CORIN: variants seen among roughly 807,000 people sequenced by gnomAD.
CORIN encodes corin, serine peptidase.
Under a neutral mutation model 125.3 loss-of-function variants are expected in CORIN, and 117 were observed. The observed-to-expected ratio is 0.93, with a 90% CI of 0.80 to 1.09. The LOEUF (loss-of-function observed/expected upper bound fraction) is 1.09. Among genes scored for constraint, CORIN ranks in the 50% least tolerant of loss-of-function variants. The pLI, the probability that CORIN is intolerant of heterozygous loss-of-function variation, is 0.00. For missense variants in CORIN, 1,253 were observed against 1,306.7 expected, an observed-to-expected ratio of 0.96 and a Z score of 0.63; for synonymous variants, 450 against 466.4, an observed-to-expected ratio of 0.96 and a Z score of 0.45.
chr4:47,790,587 T>C (rs1015231259), intron 2 of CORIN, among the ~76,000 whole-genome samples: 5 of 152,152 alleles, frequency 3.3e-5, no homozygotes, highest in Admixed American at 1.3e-4. Context: ...TCCTACAACA[T>C]TGGGATCAAA....
chr4:47,634,763 A>G (rs1238601532), intron 16 of CORIN, among the ~76,000 whole-genome samples: 1 of 152,242 alleles, frequency 6.6e-6, no homozygotes, highest in Non-Finnish European at 1.5e-5. Context: ...TGGGATAGGT[A>G]CCTACCCCTC....
intron 15 of CORIN, chr4:47,642,836 T>C (rs1355308948): frequency 6.9e-7 from 1 of 1,450,218 alleles, no homozygotes; most frequent in Non-Finnish European, 9.0e-7. Context: ...AGACTATCAT[T>C]AAATTTATTG....
chr4:47,795,708 CAA>C lies in CORIN; in HGVS notation c.209-8785_209-8784del, dbSNP rs34203365. Among the ~76,000 whole-genome samples the C allele has an allele frequency of 9.7e-3, 1,464 of 151,622 alleles. 24 individuals carry two copies. The highest frequency in any genetic ancestry group is 0.034 in the African/African-American group (1,394 of 41,342). On this transcript the variant is annotated intron_variant, in intron 2 of 21. Coordinates refer to ENST00000273857, the MANE Select transcript of CORIN (RefSeq NM_006587.4). Reference sequence around the variant, plus strand: ...ATTATTTGTAAACCACATATTTGATCAAGAGTTAATATTCAAAATATGTAAAA... The same window carrying C: ...ATTATTTGTAAACCACATATTTGATCGAGTTAATATTCAAAATATGTAAAA...
intron 1 of CORIN, among the ~76,000 whole-genome samples, chr4:47,818,823 T>C (rs982632527): frequency 6.8e-6 from 1 of 146,306 alleles, no homozygotes; most frequent in African/African-American, 2.6e-5. Context: ...CAGTGAAATG[T>C]AATCATACCA....
chr4:47,652,796 T>C (rs2109641619), intron 13 of CORIN: 1 of 152,346 alleles, frequency 6.6e-6, no homozygotes, highest in Non-Finnish European at 1.5e-5. Flanking sequence ...TGATGGAGTC[T>C]GAACTCTGAA....
intron 13 of CORIN, among the ~76,000 whole-genome samples, chr4:47,651,662 T>C (rs1043104098): frequency 1.3e-5 from 2 of 152,232 alleles, no homozygotes; most frequent in Non-Finnish European, 2.9e-5. Context: ...TAACTTTCCT[T>C]AACTAGAGCT....
chr4:47,607,968 A>AG (rs1721719755), intron 19 of CORIN, among the ~76,000 whole-genome samples: 1 of 148,424 alleles, frequency 6.7e-6, no homozygotes, highest in African/African-American at 2.5e-5. Context: ...AAAAAAAAAA[A>AG]GTACCATTGG....
At chr4:47,761,480 TACACACACAC>T (rs142904418) in intron 4 of CORIN, among the ~76,000 whole-genome samples, 2 of 144,410 alleles carry the variant, frequency 1.4e-5, no homozygotes, top group Admixed American at 6.9e-5. Context: ...GAAAATGTGA[TACACACACAC>T]ACACACACAC....
intron 12 of CORIN, among the ~76,000 whole-genome samples, chr4:47,657,730 G>A (rs1299717030): frequency 1.3e-5 from 2 of 150,030 alleles, no homozygotes; most frequent in African/African-American, 5.0e-5. Flanking sequence ...GCAGGAACAA[G>A]AGAGAGAGAG....
intron 5 of CORIN, among the ~76,000 whole-genome samples, chr4:47,730,212 C>G (rs939423778): frequency 1.3e-5 from 2 of 152,188 alleles, no homozygotes; most frequent in East Asian, 3.9e-4. Flanking sequence ...CGGTGGCTCA[C>G]GCCTGTAATC....
intron 17 of CORIN, 29 bp downstream of exon 17, chr4:47,626,376 C>G: frequency 2.3e-6 from 3 of 1,288,122 alleles, no homozygotes; most frequent in Non-Finnish European, 3.4e-6. Context: ...TAATCTGACT[C>G]TACACAGCTC....
intron 4 of CORIN, among the ~76,000 whole-genome samples, chr4:47,756,351 G>A (rs553411462): frequency 1.1e-4 from 17 of 152,332 alleles, no homozygotes; most frequent in African/African-American, 4.1e-4. Flanking sequence ...GCTATGGGCA[G>A]AGCTATGCTT....
chr4:47,619,134 G>A (rs1577743353), intron 19 of CORIN, among the ~76,000 whole-genome samples: 2 of 152,302 alleles, frequency 1.3e-5, no homozygotes, highest in Non-Finnish European at 2.9e-5. Flanking sequence ...AATTACCCAT[G>A]AAAGTCAAAA....
intron 3 of CORIN, among the ~76,000 whole-genome samples, chr4:47,785,872 A>T (rs59818677): frequency 5.5e-4 from 81 of 147,870 alleles, no homozygotes; most frequent in African/African-American, 1.9e-3. Context: ...AGATTGTGCT[A>T]CTGCATTCCA....
intron 13 of CORIN, among the ~76,000 whole-genome samples, chr4:47,650,443 C>T (rs1282110605): frequency 6.6e-6 from 1 of 152,226 alleles, no homozygotes; most frequent in East Asian, 1.9e-4. Context: ...GCTTGCATCA[C>T]AGCCCAGGTA....
chr4:47,661,935 T>C (rs1724268405), intron 11 of CORIN, 79 bp from the exon 12 acceptor site: 2 of 1,374,182 alleles, frequency 1.5e-6, no homozygotes, highest in South Asian at 3.1e-5. Context: ...TATGTCAAGT[T>C]TTAATTCTGT....
intron 4 of CORIN, among the ~76,000 whole-genome samples, chr4:47,757,366 G>A (rs960453034): frequency 6.6e-6 from 1 of 152,030 alleles, no homozygotes; most frequent in Non-Finnish European, 1.5e-5. Flanking sequence ...GGCTGAGGTG[G>A]GTGGATCACT....
intron 5 of CORIN, among the ~76,000 whole-genome samples, chr4:47,740,079 A>ATATAAGT (rs1264966284): frequency 1.3e-5 from 2 of 151,992 alleles, no homozygotes; most frequent in Non-Finnish European, 2.9e-5. Context: ...TAATTACATT[A>ATATAAGT]AGTGTAAATG....
Position 47,799,106 on chromosome 4 carries a change from GGTGTGTGT to G in CORIN, c.208+7789_208+7796del, listed in dbSNP as rs764434569. ...TTTATGGCTGCATAGTATCCCATGG[GGTGTGTGT>G]GTGTGTGTGTGTGTGTGTGTGTGTG... On this transcript the variant is annotated intron_variant, in intron 2 of 21. Transcript: ENST00000273857. 4.8e-4 allele frequency among the ~76,000 whole-genome samples: 68 copies of G among 141,548 alleles called. No homozygotes were observed. In the Middle Eastern group the frequency reaches 0.014, roughly 30 times the overall value. 92.9% of individuals were successfully genotyped at this position (141,548 alleles called of 152,430 possible).
Sources: gnomAD v4.1 joint callset for allele counts (sites outside exome capture counted in the v4.1 genomes callset) on GRCh38, gnomAD v4.1.1 for gene constraint, MANE v1.5 for transcripts, NCBI Gene and HGNC (gene_info 2026-07-23, HGNC 2026-07-21) for gene names.